The following MAML3 variants were observed in gnomAD, a reference collection of about 807,000 sequenced individuals.
The protein encoded by MAML3 is mastermind like transcriptional coactivator 3.
MAML3 carries 27 observed loss-of-function variants against 101.9 expected under a neutral mutation model. The ratio of observed to expected loss-of-function variants is 0.27; its 90% CI spans 0.20 to 0.37. The LOEUF (loss-of-function observed/expected upper bound fraction) is 0.37, where lower values mean the gene tolerates loss of function less well. Among genes scored for constraint, MAML3 ranks in the 10% least tolerant of loss-of-function variants. MAML3 has a pLI of 1.00. For missense variants in MAML3, 1,316 were observed against 1,444.9 expected (o/e 0.91, Z 1.45); for synonymous variants, 501 against 555.9 (o/e 0.90, Z 1.39).
intron 1 of MAML3, among the ~76,000 whole-genome samples, chr4:140,050,854 C>T (rs1727256423): frequency 6.6e-6 from 1 of 152,154 alleles, no homozygotes; most frequent in South Asian, 2.1e-4. Context: ...CTGTTTGATA[C>T]CCAATGAAGT....
intron 2 of MAML3, among the ~76,000 whole-genome samples, chr4:139,768,995 G>A (rs770271786): frequency 6.6e-6 from 1 of 152,224 alleles, no homozygotes; most frequent in Non-Finnish European, 1.5e-5. Flanking sequence ...ACCAGGGGCT[G>A]ACTGAGCCCC....
intron 1 of MAML3, among the ~76,000 whole-genome samples, chr4:140,099,258 C>T (rs1433396278): frequency 1.8e-4 from 28 of 151,842 alleles, no homozygotes; most frequent in Non-Finnish European, 2.9e-5. Context: ...CACACACACA[C>T]ACGTGCACAC....
At chr4:140,010,715 C>T (rs1726536649) in intron 1 of MAML3, among the ~76,000 whole-genome samples, 1 of 151,954 alleles carries the variant, frequency 6.6e-6, no homozygotes, top group Non-Finnish European at 1.5e-5. Flanking sequence ...AAAAAAAATG[C>T]CAAAATATTT....
intron 1 of MAML3, among the ~76,000 whole-genome samples, chr4:139,961,479 C>T (rs1734013147): frequency 6.6e-6 from 1 of 152,148 alleles, no homozygotes; most frequent in African/African-American, 2.4e-5. Context: ...CAGTCAATTC[C>T]ATCATCCTGG....
intron 1 of MAML3, among the ~76,000 whole-genome samples, chr4:140,088,464 C>T (rs1483721966): frequency 6.6e-6 from 1 of 152,210 alleles, no homozygotes; most frequent in African/African-American, 2.4e-5. Context: ...CAAAACACCT[C>T]TTCCTTTCCA....
chr4:139,767,418 A>G (rs2111062373), intron 2 of MAML3, among the ~76,000 whole-genome samples: 1 of 152,366 alleles, frequency 6.6e-6, no homozygotes, highest in South Asian at 2.1e-4. Context: ...TGGTCTTACC[A>G]CATCTTACAT....
At chr4:140,107,268 T>C (rs984607489) in intron 1 of MAML3, among the ~76,000 whole-genome samples, 2 of 152,214 alleles carry the variant, frequency 1.3e-5, no homozygotes, top group Non-Finnish European at 2.9e-5. Flanking sequence ...ATATAAACTA[T>C]ATAAACTACA....
At chr4:140,078,898 A>G (rs779380295) in intron 1 of MAML3, among the ~76,000 whole-genome samples, 5 of 152,178 alleles carry the variant, frequency 3.3e-5, no homozygotes, top group Non-Finnish European at 5.9e-5. Context: ...CTTAGAGACC[A>G]TTGTCACAGG....
rs1391443721 is a variant in MAML3, at chr4:139,764,195, C to T, written c.2080-33528G>A. Among the ~76,000 whole-genome samples, 3 of 152,214 alleles carry T rather than the reference C, an allele frequency of 2.0e-5. No individual in the cohort carries two copies. In the East Asian group the frequency reaches 5.8e-4, roughly 29 times the overall value. Reference sequence around the variant, plus strand: ...GACACTGCATACCTGGATCTGTAGTCCTGCTGACAAGCAATCCTGCTGACG... The same window carrying T: ...GACACTGCATACCTGGATCTGTAGTTCTGCTGACAAGCAATCCTGCTGACG... On this transcript the variant is annotated intron_variant, in intron 2 of 4. Transcript: ENST00000509479.
At chr4:139,973,784 C>A (rs1578624044) in intron 1 of MAML3, among the ~76,000 whole-genome samples, 1 of 152,150 alleles carries the variant, frequency 6.6e-6, no homozygotes, top group Admixed American at 6.5e-5. Context: ...CCCTTGGAGA[C>A]AAAGAATGGT....
chr4:139,747,829 G>A (rs941224824), intron 2 of MAML3, among the ~76,000 whole-genome samples: 6 of 152,182 alleles, frequency 3.9e-5, no homozygotes, highest in East Asian at 3.9e-4. Flanking sequence ...CAAGGTGGGC[G>A]GATCACCTGA....
At chr4:139,867,410 A>G (rs76052162) in intron 2 of MAML3, among the ~76,000 whole-genome samples, 2,207 of 152,342 alleles carry the variant, frequency 0.014, 48 homozygotes, top group African/African-American at 0.05. Context: ...AGGTTCTAGG[A>G]AAGTAATTTA....
At chr4:140,062,141 A>T (rs1021532482) in intron 1 of MAML3, among the ~76,000 whole-genome samples, 4 of 152,228 alleles carry the variant, frequency 2.6e-5, no homozygotes, top group African/African-American at 9.6e-5. Flanking sequence ...TCTCTTCTGG[A>T]TAGTTCAAAG....
chr4:140,109,362 A>T (rs1728403585), intron 1 of MAML3, among the ~76,000 whole-genome samples: 1 of 152,264 alleles, frequency 6.6e-6, no homozygotes. Flanking sequence ...TCACTAGCAA[A>T]AATTCAGGGG....
chr4:139,833,845 G>T (rs530153120), intron 2 of MAML3, among the ~76,000 whole-genome samples: 1 of 152,218 alleles, frequency 6.6e-6, no homozygotes, highest in South Asian at 2.1e-4. Flanking sequence ...TCAGAAGAAT[G>T]AATCACAGTA....
chr4:140,006,451 TG>T (rs1211271087), intron 1 of MAML3, among the ~76,000 whole-genome samples: 1 of 151,998 alleles, frequency 6.6e-6, no homozygotes, highest in African/African-American at 2.4e-5. Flanking sequence ...CCAGGCATGG[TG>T]GCGGGTGCCT....
chr4:139,749,886 C>CT, intron 2 of MAML3, among the ~76,000 whole-genome samples: 1 of 63,056 alleles, frequency 1.6e-5, no homozygotes, highest in Admixed American at 1.8e-4. Flanking sequence ...TGAATAAGAA[C>CT]CCCCCCCCAC....
At chr4:139,967,697 G>A (rs930437377) in intron 1 of MAML3, among the ~76,000 whole-genome samples, 4 of 151,972 alleles carry the variant, frequency 2.6e-5, no homozygotes, top group Non-Finnish European at 4.4e-5. Context: ...GTGTCTGCAG[G>A]ACTGGATTCT....
intron 1 of MAML3, among the ~76,000 whole-genome samples, chr4:140,083,963 CACACAGAGAGAGAGAGAG>C (rs1204056377): frequency 9.0e-4 from 61 of 67,462 alleles, no homozygotes; most frequent in South Asian, 7.2e-3. Flanking sequence ...CACACACACA[CACACAGAGAGAGAGAGAG>C]AGAGAGAGAG....
Sources: gnomAD v4.1 joint callset for allele counts (sites outside exome capture counted in the v4.1 genomes callset) on GRCh38, gnomAD v4.1.1 for gene constraint, MANE v1.5 for transcripts, NCBI Gene and HGNC (gene_info 2026-07-23, HGNC 2026-07-21) for gene names.